Variants in CCDC88A observed in about 807,000 individuals in gnomAD.
The protein encoded by CCDC88A is coiled-coil and HOOK domain protein 88A.
A neutral mutation model predicts 234.3 loss-of-function variants in CCDC88A; 54 were observed. The observed-to-expected ratio is 0.23, with a 90% CI of 0.19 to 0.29. The LOEUF is 0.29. CCDC88A is among the 10% of genes least tolerant of loss of function. The pLI is 1.00. For synonymous variants in CCDC88A, 753 were observed against 737.8 expected (o/e 1.02, Z -0.33); for missense variants, 1,832 against 2,123.4 (o/e 0.86, Z 2.70).
In CCDC88A at chr2:55,309,512, A is replaced by AT. The variant is rs984028590; in HGVS notation, c.4080-259dup. Reference sequence around the variant, plus strand: ...ATTTATATCAGCAAAAAATTAAAACATTGTTTAGTTTGCTTACAATTATAG... The same window carrying AT: ...ATTTATATCAGCAAAAAATTAAAACATTTGTTTAGTTTGCTTACAATTATAG... On this transcript the variant is annotated intron_variant, in intron 23 of 32. Coordinates refer to ENST00000436346, the MANE Select transcript of CCDC88A (RefSeq NM_001365480.1). This position sits in a 1 kb window ranked among gnomAD's most constrained non-coding sequence, Gnocchi z 5.1. 6.6e-6 allele frequency among the ~76,000 whole-genome samples: 1 copy of AT among 152,156 alleles called. No individual in the cohort carries two copies. Among genetic ancestry groups the AT allele is most frequent in the African/African-American group, 2.4e-5 (1 of 41,436 alleles).
chr2:55,366,244 G>T (rs1485405354), intron 5 of CCDC88A, among the ~76,000 whole-genome samples: 2 of 152,102 alleles, frequency 1.3e-5, no homozygotes, highest in Admixed American at 1.3e-4. Context: ...ACGACATGGA[G>T]GCCAGGCGTG....
At chr2:55,413,118 G>C (rs1468237728) in intron 2 of CCDC88A, among the ~76,000 whole-genome samples, 1 of 152,192 alleles carries the variant, frequency 6.6e-6, no homozygotes, top group Admixed American at 6.5e-5. Flanking sequence ...TGAGGTGGGA[G>C]GATTGCTTCA....
chr2:55,294,665 G>C, intron 31 of CCDC88A: 3 of 992,266 alleles, frequency 3.0e-6, no homozygotes, highest in Middle Eastern at 5.2e-4. Context: ...GAGGAAGGGA[G>C]GGAGGAAATG....
At chr2:55,349,998 G>A (rs1317345338) in intron 8 of CCDC88A, 1 of 154,728 alleles carries the variant, frequency 6.5e-6, no homozygotes, top group African/African-American at 2.4e-5. Context: ...GCGCAAACTT[G>A]ACTCACTGCA....
intron 3 of CCDC88A, among the ~76,000 whole-genome samples, chr2:55,380,195 C>T (rs1253886398): frequency 6.6e-6 from 1 of 151,784 alleles, no homozygotes; most frequent in Non-Finnish European, 1.5e-5. Context: ...AAGATTGCAC[C>T]ACTGCACTCC....
At chr2:55,401,451 T>A (rs1273534181) in intron 2 of CCDC88A, among the ~76,000 whole-genome samples, 19,120 of 31,040 alleles carry the variant, frequency 0.62, 7,154 homozygotes, top group Non-Finnish European at 0.7. Flanking sequence ...AAAAAAAATA[T>A]ATATATATAT....
intron 15 of CCDC88A, among the ~76,000 whole-genome samples, chr2:55,333,639 G>T (rs568284163): frequency 2.0e-4 from 30 of 152,144 alleles, no homozygotes; most frequent in Non-Finnish European, 3.8e-4. Flanking sequence ...AGGATTAGTT[G>T]TAAAGATTAT....
At position 55,301,133 on chromosome 2, in the gene CCDC88A, A is replaced by G. The variant is rs888163346; in HGVS notation, c.4744+73T>C. The G allele has an allele frequency of 2.4e-5, 21 of 867,966 alleles. No individual in the cohort carries two copies. The African/African-American group carries it at 3.2e-4, about 13-fold the overall frequency. The allele number at this position is 867,966 out of a possible 1,614,324, so 53.8% of individuals were successfully genotyped here. On this transcript the variant is annotated intron_variant, in intron 28 of 32. Transcript: ENST00000436346. ...CTTGCTGGCAATGACGCATTCACCTATTAAAGGCAAGAGTCCTAGCATTCC... is the reference window on the plus strand; with the variant it reads ...CTTGCTGGCAATGACGCATTCACCTGTTAAAGGCAAGAGTCCTAGCATTCC...
chr2:55,322,048 A>T (rs1017028629), intron 18 of CCDC88A, among the ~76,000 whole-genome samples: 2 of 152,146 alleles, frequency 1.3e-5, no homozygotes, highest in Non-Finnish European at 2.9e-5. Context: ...ACTGTCAAGT[A>T]TATATTGAAC....
intron 25 of CCDC88A, chr2:55,308,326 A>G (rs1458495363): frequency 1.3e-5 from 2 of 153,494 alleles, no homozygotes; most frequent in Non-Finnish European, 2.9e-5. Context: ...ACACCCCTTC[A>G]AATTCATACC....
At chr2:55,416,815 C>T (rs777795498) in intron 2 of CCDC88A, 11 of 151,778 alleles carry the variant, frequency 7.2e-5, no homozygotes, top group Non-Finnish European at 1.6e-4. Flanking sequence ...GCTTATAAAA[C>T]AATGTATATT....
intron 23 of CCDC88A, among the ~76,000 whole-genome samples, chr2:55,310,061 AAAGAT>A (rs1312088414): frequency 2.6e-5 from 4 of 152,200 alleles, no homozygotes; most frequent in Non-Finnish European, 4.4e-5. Context: ...GCTGAAAAGG[AAAGAT>A]AAGAATGCTA....
intron 2 of CCDC88A, chr2:55,417,389 T>A (rs1681673264): frequency 2.0e-5 from 3 of 152,016 alleles, no homozygotes; most frequent in Non-Finnish European, 4.4e-5. Flanking sequence ...CTACCCTTTC[T>A]GTCATGTAGG....
rs145794124 is a variant in CCDC88A at position 55,322,434 on chromosome 2, G to A, written c.3162+94C>T. ...ATTTTCTTATTAAGTGCCATCAATT[G>A]TTTAAATATTAGAAAATGTATCTAA... On this transcript the variant is annotated intron_variant, in intron 18 of 32. Transcript: ENST00000436346. 2.3e-5 allele frequency: 17 copies of A among 739,482 alleles called. No homozygotes were observed. The African/African-American group carries it at 3.0e-4, about 13-fold the overall frequency. The allele number at this position is 739,482 out of a possible 1,614,324, so 45.8% of individuals were successfully genotyped here. A position where few individuals can be genotyped will look rare whatever the true frequency, so the allele number is the denominator to read the frequency against.
chr2:55,343,116 A>T (rs1171625016), intron 12 of CCDC88A, among the ~76,000 whole-genome samples: 1 of 152,122 alleles, frequency 6.6e-6, no homozygotes, highest in South Asian at 2.1e-4. Flanking sequence ...TACCTGGGGG[A>T]TCTTACATTA....
At position 55,332,542 on chromosome 2, in the gene CCDC88A, T is replaced by G. The variant is rs1206628520; in HGVS notation, c.2855+24A>C. 8 of 1,587,658 alleles carry G rather than the reference T, an allele frequency of 5.0e-6. No individual in the cohort carries two copies. Among genetic ancestry groups the G allele is most frequent in the Non-Finnish European group, 6.8e-6 (8 of 1,171,256 alleles). ...AAAAAAAAAAAAAATTTTCAACTGT[T>G]TGCCAAGTAGACTTAGTACTCACCT... is the stretch of plus-strand genomic sequence containing the variant. On this transcript the variant is annotated intron_variant, in intron 16 of 32. Transcript: ENST00000436346. This position sits in a 1 kb window ranked among gnomAD's most constrained non-coding sequence, Gnocchi z 4.5.
At chr2:55,327,493 G>T (rs1036737039) in intron 17 of CCDC88A, among the ~76,000 whole-genome samples, 2 of 152,174 alleles carry the variant, frequency 1.3e-5, no homozygotes, top group Non-Finnish European at 2.9e-5. Flanking sequence ...AAAACCATCT[G>T]GTGGGAAGAT....
At chr2:55,373,827 G>C (rs907962375) in intron 4 of CCDC88A, among the ~76,000 whole-genome samples, 2 of 151,816 alleles carry the variant, frequency 1.3e-5, no homozygotes, top group African/African-American at 4.8e-5. Context: ...TTTTATTTTG[G>C]TTTTGTTTGT....
chr2:55,296,218 G>C (rs776848299), intron 30 of CCDC88A, 40 bp downstream of exon 30: 1 of 1,554,920 alleles, frequency 6.4e-7, no homozygotes, highest in South Asian at 1.2e-5. Flanking sequence ...TTTAACTTGT[G>C]GTGTTCATCT....
Sources: gnomAD v4.1 joint callset for allele counts (sites outside exome capture counted in the v4.1 genomes callset) on GRCh38, gnomAD v4.1.1 for gene constraint, Gnocchi (gnomAD v3.1) non-coding constraint, MANE v1.5 for transcripts, NCBI Gene and HGNC (gene_info 2026-07-23, HGNC 2026-07-21) for gene names.